The following VPS13C variants were observed in gnomAD, a reference collection of about 807,000 sequenced individuals.
VPS13C encodes vacuolar protein sorting 13 homolog C, also known as intermembrane lipid transfer protein VPS13C.
In VPS13C, 358 loss-of-function variants were observed where a neutral mutation model predicts 456.8. The observed-to-expected ratio is 0.78, with a 90% CI of 0.72 to 0.86. The LOEUF is 0.86. Ranked by LOEUF, VPS13C falls within the 40% of genes least tolerant of loss-of-function variation. VPS13C has a pLI of 0.00. For missense variants in VPS13C, 4,818 were observed against 4,385.4 expected (o/e 1.10, Z -2.79); for synonymous variants, 1,578 against 1,486.7 (o/e 1.06, Z -1.41).
intron 5 of VPS13C, among the ~76,000 whole-genome samples, chr15:62,029,120 C>T (rs2047730691): frequency 6.6e-6 from 1 of 152,090 alleles, no homozygotes; most frequent in African/African-American, 2.4e-5. Flanking sequence ...GATTCAAATT[C>T]TAGCTCTACT....
chr15:62,058,141 A>G lies in VPS13C; in HGVS notation c.100+2134T>C, dbSNP rs941869795. On this transcript the variant is annotated intron_variant, in intron 1 of 84. Transcript: ENST00000644861. ...ATTAAGATGAAGAAACTAAGGCCCA[A>G]TAAGGTAAGTGGCTTGTCCAACACA... Among the ~76,000 whole-genome samples, 12 of 152,348 alleles carry G rather than the reference A, an allele frequency of 7.9e-5. No individual in the cohort carries two copies. In the South Asian group the frequency reaches 2.1e-3, roughly 26 times the overall value.
At chr15:62,004,987 T>C (rs2140479336) in intron 15 of VPS13C, among the ~76,000 whole-genome samples, 1 of 152,038 alleles carries the variant, frequency 6.6e-6, no homozygotes, top group South Asian at 2.1e-4. Context: ...CTGAAAAAAA[T>C]GTATATTCTG....
chr15:61,911,429 C>T (rs967620972), intron 63 of VPS13C, among the ~76,000 whole-genome samples: 2 of 152,180 alleles, frequency 1.3e-5, no homozygotes, highest in Non-Finnish European at 2.9e-5. Context: ...TCCAGCTCAC[C>T]TATTCAGAAA....
In VPS13C at chr15:62,007,436, T is replaced by G; in HGVS notation, c.1162A>C (p.Arg388=). ...CTCCATGACCACATCTGTGTATACCTTCTTATATGAACTTCAAGAACAGAA... is the reference window on the plus strand; with the variant it reads ...CTCCATGACCACATCTGTGTATACCGTCTTATATGAACTTCAAGAACAGAA... ...IDSVLEVHIR[R]YTQMWSWSNI... Residue 388 remains arginine (R), a synonymous_variant, in exon 15 of 85, where the codon AGG becomes CGG. Coordinates refer to ENST00000644861, the MANE Select transcript of VPS13C (RefSeq NM_020821.3). 6.2e-7 allele frequency: 1 copy of G among 1,600,790 alleles called. No individual in the cohort carries two copies. Among genetic ancestry groups the G allele is most frequent in the Non-Finnish European group, 8.5e-7 (1 of 1,175,170 alleles).
Position 61,858,784 on chromosome 15 carries a change from A to G in VPS13C, c.10953-2375T>C, listed in dbSNP as rs1894068019. Among the ~76,000 whole-genome samples the G allele has an allele frequency of 6.6e-6, 1 of 152,238 alleles. No individual in the cohort carries two copies. Among genetic ancestry groups the G allele is most frequent in the Non-Finnish European group, 1.5e-5 (1 of 68,036 alleles). On this transcript the variant is annotated intron_variant, in intron 82 of 84. Transcript: ENST00000644861. The surrounding 1 kb of genome is among the most constrained non-coding windows in gnomAD (Gnocchi z 4.4). ...AGCTAAGAGCAGCTCGCTGGCTGAC[A>G]GAGGTCAAAGAAACAGGGATCTTAG...
intron 28 of VPS13C, among the ~76,000 whole-genome samples, chr15:61,969,089 T>C (rs1163762566): frequency 1.1e-4 from 16 of 152,134 alleles, no homozygotes; most frequent in Admixed American, 1.0e-3. Context: ...ACAATCAGTC[T>C]GTGACTTAGT....
intron 65 of VPS13C, 85 bp downstream of exon 65, chr15:61,908,907 A>T (rs1392181659): frequency 6.7e-7 from 1 of 1,498,480 alleles, no homozygotes; most frequent in African/African-American, 1.4e-5. Flanking sequence ...AAATCTAAAA[A>T]CATTTTGAAT....
At chr15:61,860,302 C>CA (rs1386350099) in intron 82 of VPS13C, among the ~76,000 whole-genome samples, 1 of 151,834 alleles carries the variant, frequency 6.6e-6, no homozygotes. Context: ...ATCAAGCTAG[C>CA]AAAAAATAAA....
rs1567000255 is a variant in VPS13C, at chr15:61,917,645, G to T, written c.7761-10C>A. The T allele has an allele frequency of 1.2e-6, 2 of 1,603,408 alleles. No individual in the cohort carries two copies. The highest frequency in any genetic ancestry group is 1.7e-6 in the Non-Finnish European group (2 of 1,172,718). On this transcript the variant is annotated splice_polypyrimidine_tract_variant and intron_variant, in intron 59 of 84. Coordinates refer to ENST00000644861, the MANE Select transcript of VPS13C (RefSeq NM_020821.3). ...GATAAACAATTGACATCTGCAGAAA[G>T]AGGAAACAGTGACAATAAAGTTTTG...
intron 66 of VPS13C, among the ~76,000 whole-genome samples, chr15:61,902,140 T>G: frequency 6.8e-6 from 1 of 147,490 alleles, no homozygotes; most frequent in South Asian, 2.3e-4. Flanking sequence ...AGGGATAGCA[T>G]TGGGAGATAT....
chr15:61,909,041 C>T lies in VPS13C; in HGVS notation c.8929G>A (p.Ala2977Thr), dbSNP rs1445411464. 1 of 1,613,740 alleles carries T rather than the reference C, an allele frequency of 6.2e-7. No homozygotes were observed. The highest frequency in any genetic ancestry group is 1.1e-5 in the South Asian group (1 of 91,050). Residue 2977 changes from alanine (A) to threonine (T), a missense_variant, in exon 65 of 85, where the codon GCC becomes ACC. Ala to Thr is a moderately conservative substitution (Grantham distance 58). This residue lies in a region of VPS13C where 4,552 missense variants were observed against 4,130.6 expected (regional missense o/e 1.10). Transcript: ENST00000644861. The stretch of plus-strand genomic sequence containing the variant: ...CATGGTGTATGGTTCATTATCAAGG[C>T]AGGTGCAGATCCCTCATGGTAATCA... ...FSDYHEGSAPALIMNHTPWDI... is the reference protein window; with the variant it reads ...FSDYHEGSAPTLIMNHTPWDI...
At chr15:62,009,176 A>G (rs2046956744) in intron 13 of VPS13C, among the ~76,000 whole-genome samples, 1 of 152,198 alleles carries the variant, frequency 6.6e-6, no homozygotes, top group Admixed American at 6.5e-5. Context: ...CTGGATCATC[A>G]TTTCAGCAGT....
chr15:61,888,869 G>A (rs758830567), intron 67 of VPS13C, among the ~76,000 whole-genome samples: 1 of 152,046 alleles, frequency 6.6e-6, no homozygotes, highest in East Asian at 1.9e-4. Flanking sequence ...GATAATAATG[G>A]AGTTAGACAA....
chr15:61,903,292 C>A (rs2043058746), intron 66 of VPS13C, among the ~76,000 whole-genome samples: 2 of 151,718 alleles, frequency 1.3e-5, no homozygotes, highest in South Asian at 4.2e-4. Context: ...ACCATGATCA[C>A]ACCACTGCAC....
At chr15:61,982,616 C>A (rs1374095807) in intron 20 of VPS13C, 43 bp from the exon 21 acceptor site, 4 of 1,372,186 alleles carry the variant, frequency 2.9e-6, no homozygotes, top group East Asian at 4.6e-5. Context: ...ACACATGGTT[C>A]TTTCCATATT....
intron 5 of VPS13C, among the ~76,000 whole-genome samples, chr15:62,031,682 T>C (rs1473758429): frequency 6.6e-6 from 1 of 151,988 alleles, no homozygotes; most frequent in Non-Finnish European, 1.5e-5. Flanking sequence ...AATTTTATCA[T>C]TCAAGAAGCT....
Position 62,033,473 on chromosome 15 carries a change from A to G in VPS13C, c.353T>C (p.Ile118Thr). 2.5e-6 allele frequency: 4 copies of G among 1,607,304 alleles called. No homozygotes were observed. The highest frequency in any genetic ancestry group is 2.2e-5 in the East Asian group (1 of 44,588). Residue 118 changes from isoleucine to threonine, a missense_variant, in exon 5 of 85, where the codon ATT becomes ACT. This residue lies in a region of VPS13C where 4,552 missense variants were observed against 4,130.6 expected (regional missense o/e 1.10). Transcript: ENST00000644861. The stretch of plus-strand genomic sequence containing the variant: ...TGCTGCTTTTTGAAGGGCTTCTTCA[A>G]TTCGGGATAGCTCTTTCTGTTTAAC... ...QDVKQKELSR[I>T]EEALQKAAEK...
At chr15:62,019,433 C>T (rs941786873) in intron 9 of VPS13C, among the ~76,000 whole-genome samples, 1 of 152,012 alleles carries the variant, frequency 6.6e-6, no homozygotes. Context: ...TTTAGTGCTG[C>T]AAATTTCCCT....
At chr15:61,925,063 T>A (rs182222882) in intron 53 of VPS13C, among the ~76,000 whole-genome samples, 1 of 152,166 alleles carries the variant, frequency 6.6e-6, no homozygotes, top group Non-Finnish European at 1.5e-5. Context: ...TTAAATTCAA[T>A]CAACTTATAC....
Sources: allele counts gnomAD v4.1 joint callset (sites outside exome capture counted in the v4.1 genomes callset), GRCh38; gene constraint gnomAD v4.1.1; regional missense constraint gnomAD v4.1.1; non-coding constraint Gnocchi (gnomAD v3.1); transcripts MANE v1.5; gene names NCBI Gene and HGNC (gene_info 2026-07-23, HGNC 2026-07-21).